The following AGBL3 variants were observed in gnomAD, a reference collection of about 807,000 sequenced individuals.
AGBL3 encodes the protein cytosolic carboxypeptidase 3.
A neutral mutation model predicts 94.5 loss-of-function variants in AGBL3; 68 were observed. That is an observed-to-expected ratio of 0.72 (90% CI 0.59 to 0.88). The LOEUF is 0.88. Among genes scored for constraint, AGBL3 ranks in the 40% least tolerant of loss-of-function variants. The pLI is 0.00. For synonymous variants in AGBL3, 354 were observed against 370.7 expected (o/e 0.95, Z 0.52); for missense variants, 934 against 1,103.8 (o/e 0.85, Z 2.18).
chr7:135,097,877 A>G (rs11761570), intron 15 of AGBL3, among the ~76,000 whole-genome samples: 8,261 of 152,224 alleles, frequency 0.054, 301 homozygotes, highest in Middle Eastern at 0.18. Context: ...AGGAGCATAC[A>G]AGTTAAACAG....
At chr7:135,020,978 A>G (rs971283594) in intron 5 of AGBL3, among the ~76,000 whole-genome samples, 69 of 151,854 alleles carry the variant, frequency 4.5e-4, no homozygotes, top group African/African-American at 1.6e-3. Context: ...TAATGGGTGC[A>G]GCACACCAAC....
intron 11 of AGBL3, among the ~76,000 whole-genome samples, chr7:135,049,118 A>C (rs1478452964): frequency 2.0e-5 from 3 of 151,666 alleles, no homozygotes; most frequent in Non-Finnish European, 3.0e-5. Flanking sequence ...CTTTCCTTCT[A>C]TTCTTAGTTT....
chr7:135,081,787 T>C lies in AGBL3; in HGVS notation c.2107T>C (p.Leu703=). ...YFRRQLPNQG[L]DLHHNLKSKI... ...CAGAAGACAATTACCTAATCAAGGT[T>C]TGGGTGAGTAAAATAGGAACACAGA... Residue 703 remains leucine (L), a synonymous_variant, in exon 15 of 17, where the codon TTG becomes CTG. Transcript: ENST00000436302. 1.3e-6 allele frequency: 2 copies of C among 1,530,910 alleles called. No homozygotes were observed. The highest frequency in any genetic ancestry group is 1.8e-6 in the Non-Finnish European group (2 of 1,132,260). 94.8% of individuals were successfully genotyped at this position (1,530,910 alleles called of 1,614,324 possible).
At chr7:135,103,182 C>T (rs11970908) in intron 15 of AGBL3, among the ~76,000 whole-genome samples, 7,648 of 152,098 alleles carry the variant, frequency 0.05, 258 homozygotes, top group Non-Finnish European at 0.08. Context: ...CGTGCTTCAC[C>T]TGCCTAGATT....
intron 4 of AGBL3, among the ~76,000 whole-genome samples, chr7:135,013,204 T>C (rs1178369545): frequency 2.0e-5 from 3 of 152,080 alleles, no homozygotes; most frequent in African/African-American, 7.2e-5. Context: ...TGAACCACAA[T>C]GAGATACCAC....
intron 12 of AGBL3, among the ~76,000 whole-genome samples, chr7:135,075,390 C>T (rs1489460320): frequency 6.6e-6 from 1 of 152,184 alleles, no homozygotes; most frequent in Non-Finnish European, 1.5e-5. Flanking sequence ...TCCCCCACCC[C>T]CAAGTTGATG....
chr7:135,023,031 G>A (rs1814683779), intron 5 of AGBL3, among the ~76,000 whole-genome samples: 1 of 151,706 alleles, frequency 6.6e-6, no homozygotes. Flanking sequence ...AGGTTTTTTT[G>A]TATGTATCTT....
At chr7:135,043,551 T>C (rs1055501173) in intron 8 of AGBL3, among the ~76,000 whole-genome samples, 4 of 152,130 alleles carry the variant, frequency 2.6e-5, no homozygotes, top group South Asian at 2.1e-4. Context: ...TCAATAATAA[T>C]TTAATTATAC....
chr7:135,036,318 G>A (rs1336752687), intron 7 of AGBL3, among the ~76,000 whole-genome samples: 1 of 151,754 alleles, frequency 6.6e-6, no homozygotes, highest in African/African-American at 2.4e-5. Flanking sequence ...TTTATATTGA[G>A]TGTTAAATTA....
intron 5 of AGBL3, among the ~76,000 whole-genome samples, chr7:135,031,194 G>A (rs1214345588): frequency 2.6e-5 from 4 of 151,968 alleles, no homozygotes; most frequent in South Asian, 2.1e-4. Context: ...AATGCTTTAC[G>A]TTTTTATCAT....
intron 12 of AGBL3, among the ~76,000 whole-genome samples, chr7:135,071,728 A>G (rs1206871088): frequency 6.6e-6 from 1 of 152,172 alleles, no homozygotes; most frequent in Non-Finnish European, 1.5e-5. Flanking sequence ...GCTGAAACTG[A>G]ATCTCTTCCT....
In AGBL3 at chr7:135,017,072, G is replaced by A. The variant is rs555735737; in HGVS notation, c.331G>A (p.Glu111Lys). The change falls in exon 5 of 17, where the codon GAG (glutamate) becomes AAG (lysine). Residue 111 changes from glutamate (E) to lysine (K), a missense_variant. Physicochemically the swap from Glu to Lys is moderately conservative, Grantham distance 56. Coordinates refer to ENST00000436302, the MANE Select transcript of AGBL3 (RefSeq NM_178563.4). The stretch of plus-strand genomic sequence containing the variant: ...TCCAGATTGGACTCCTTCTTGTCCT[G>A]AGCCAGTGTATATCCCAACGGGCTT... ...QHIDWTPSCP[E>K]PVYIPTGLET... 2 of 1,548,286 alleles carry A rather than the reference G, an allele frequency of 1.3e-6. No homozygotes were observed. Among genetic ancestry groups the A allele is most frequent in the African/African-American group, 1.4e-5 (1 of 73,068 alleles).
At chr7:135,061,911 C>T (rs945958535) in intron 12 of AGBL3, among the ~76,000 whole-genome samples, 5 of 151,998 alleles carry the variant, frequency 3.3e-5, no homozygotes, top group African/African-American at 1.2e-4. Context: ...TTCTATTTCT[C>T]TGAAAAATCC....
intron 5 of AGBL3, among the ~76,000 whole-genome samples, chr7:135,023,616 G>A (rs996828669): frequency 2.6e-5 from 4 of 152,158 alleles, no homozygotes; most frequent in African/African-American, 9.7e-5. Flanking sequence ...CACAGCCATA[G>A]GTGCCCATCT....
chr7:135,117,741 A>G (rs1826530653), intron 16 of AGBL3, among the ~76,000 whole-genome samples: 1 of 152,212 alleles, frequency 6.6e-6, no homozygotes, highest in African/African-American at 2.4e-5. Context: ...TAATATTTCC[A>G]TATACACCTA....
rs567073148 is a variant in AGBL3 at position 135,051,548 on chromosome 7, G to C, written c.1841+5637G>C. Reference sequence around the variant, plus strand: ...AAGTCCTGGTTCTTTTCAGTAAAAAGGGATATTTAGATAACATAGCCTAGA... The same window carrying C: ...AAGTCCTGGTTCTTTTCAGTAAAAACGGATATTTAGATAACATAGCCTAGA... On this transcript the variant is annotated intron_variant, in intron 11 of 16. Transcript: ENST00000436302. 1.6e-4 allele frequency among the ~76,000 whole-genome samples: 25 copies of C among 152,082 alleles called. No homozygotes were observed. In the East Asian group the frequency reaches 4.8e-3, roughly 29 times the overall value.
chr7:135,118,502 T>A, intron 16 of AGBL3, among the ~76,000 whole-genome samples: 1 of 152,110 alleles, frequency 6.6e-6, no homozygotes, highest in Non-Finnish European at 1.5e-5. Flanking sequence ...CTTGCAGTAA[T>A]GAGGTCTTAT....
chr7:135,031,986 C>T (rs765670698), intron 5 of AGBL3, among the ~76,000 whole-genome samples: 18 of 152,222 alleles, frequency 1.2e-4, no homozygotes, highest in Non-Finnish European at 2.2e-4. Context: ...TCCCTGGTGT[C>T]CTGACCCACA....
chr7:135,121,933 G>A (rs1261695413), intron 16 of AGBL3, among the ~76,000 whole-genome samples: 6 of 152,184 alleles, frequency 3.9e-5, no homozygotes, highest in African/African-American at 7.2e-5. Flanking sequence ...CACGACCCAC[G>A]CCACCAGGGC....
Sources: allele counts gnomAD v4.1 joint callset (sites outside exome capture counted in the v4.1 genomes callset), GRCh38; gene constraint gnomAD v4.1.1; transcripts MANE v1.5; gene names NCBI Gene and HGNC (gene_info 2026-07-23, HGNC 2026-07-21).